DISC1: variants seen among roughly 807,000 people sequenced by gnomAD.
DISC1 encodes the protein DISC1 scaffold protein.
DISC1 carries 57 observed loss-of-function variants against 84.5 expected under a neutral mutation model. The ratio of observed to expected loss-of-function variants is 0.67; its 90% CI spans 0.55 to 0.84. The LOEUF (loss-of-function observed/expected upper bound fraction) is 0.84. DISC1 is among the 40% of genes least tolerant of loss of function. DISC1 has a pLI of 0.00. For synonymous variants in DISC1, 411 were observed against 415.2 expected, an observed-to-expected ratio of 0.99 and a Z score of 0.12; for missense variants, 1,000 against 1,057.8, an observed-to-expected ratio of 0.95 and a Z score of 0.76.
chr1:231,963,722 A>G (rs139338344), intron 10 of DISC1, among the ~76,000 whole-genome samples: 32 of 152,352 alleles, frequency 2.1e-4, no homozygotes, highest in African/African-American at 7.7e-4. Flanking sequence ...GAGTTAAAGA[A>G]GGAAAAGCTT....
chr1:231,727,793 T>A (rs200158042), intron 3 of DISC1, among the ~76,000 whole-genome samples: 2 of 151,486 alleles, frequency 1.3e-5, no homozygotes, highest in Non-Finnish European at 2.9e-5. Flanking sequence ...CTTAGAGGGG[T>A]TAAATAGGGC....
chr1:231,905,841 T>G (rs1265576567), intron 9 of DISC1, among the ~76,000 whole-genome samples: 1 of 152,190 alleles, frequency 6.6e-6, no homozygotes, highest in South Asian at 2.1e-4. Context: ...ATGGTTATAT[T>G]GTGGTTATTT....
chr1:231,714,597 GAAAGAGA>G (rs1184670467), intron 3 of DISC1, among the ~76,000 whole-genome samples: 1 of 136,918 alleles, frequency 7.3e-6, no homozygotes, highest in Non-Finnish European at 1.7e-5. Flanking sequence ...GAGAGAGACA[GAAAGAGA>G]GAAGAGAGAG....
rs1199766094 is a variant in DISC1 at position 231,749,822 on chromosome 1, A to G, written c.1118-104A>G. On this transcript the variant is annotated intron_variant, in intron 3 of 12. Transcript: ENST00000439617. Reference sequence around the variant, plus strand: ...AAACTAGTAACCTTGTCATGATGTCATTAAGGCAAAGGTTCACTACAACTG... The same window carrying G: ...AAACTAGTAACCTTGTCATGATGTCGTTAAGGCAAAGGTTCACTACAACTG... The G allele has an allele frequency of 7.6e-5, 114 of 1,498,184 alleles. No homozygotes were observed. In the East Asian group the frequency reaches 2.6e-3, roughly 34 times the overall value. 92.8% of individuals were successfully genotyped at this position (1,498,184 alleles called of 1,614,324 possible). A position where few individuals can be genotyped will look rare whatever the true frequency, so the allele number is the denominator to read the frequency against.
At chr1:231,975,654 A>G (rs1662685159) in intron 10 of DISC1, among the ~76,000 whole-genome samples, 1 of 152,304 alleles carries the variant, frequency 6.6e-6, no homozygotes, top group African/African-American at 2.4e-5. Context: ...GAATGAAAGA[A>G]TGAGATCTTG....
At chr1:231,864,479 C>T (rs533086647) in intron 9 of DISC1, among the ~76,000 whole-genome samples, 2 of 152,142 alleles carry the variant, frequency 1.3e-5, no homozygotes, top group South Asian at 2.1e-4. Context: ...CTGGCTAACA[C>T]AGTGAAACCC....
chr1:231,952,424 C>CTTCCTTCAACTGAAGGATT (rs1329819048), intron 9 of DISC1, among the ~76,000 whole-genome samples: 1 of 152,050 alleles, frequency 6.6e-6, no homozygotes, highest in African/African-American at 2.4e-5. Flanking sequence ...AAGGACTGAA[C>CTTCCTTCAACTGAAGGATT]TCTGTTGAAC....
At position 232,031,230 on chromosome 1, in the gene DISC1, AG is replaced by A. The variant is rs1271883259; in HGVS notation, c.2425+4679del. ...GGAAGGAAGGAAGGGAGAAAGAGAG[AG>A]AGAAAGAGAGGAAGGAAGGAAGGAG... is the stretch of plus-strand genomic sequence containing the variant. On this transcript the variant is annotated intron_variant, in intron 12 of 12. Coordinates refer to ENST00000439617, the MANE Select transcript of DISC1 (RefSeq NM_018662.3). The surrounding 1 kb of genome is among the most constrained non-coding windows in gnomAD (Gnocchi z 4.6). Among the ~76,000 whole-genome samples the A allele has an allele frequency of 1.3e-5, 2 of 149,780 alleles. No individual in the cohort carries two copies. The highest frequency in any genetic ancestry group is 2.0e-4 in the East Asian group (1 of 5,092).
chr1:231,732,555 A>G (rs2071661061), intron 3 of DISC1, among the ~76,000 whole-genome samples: 1 of 152,168 alleles, frequency 6.6e-6, no homozygotes, highest in South Asian at 2.1e-4. Flanking sequence ...CTTTGTAGAG[A>G]TCCTTTGTAG....
intron 9 of DISC1, among the ~76,000 whole-genome samples, chr1:231,947,541 G>A (rs1263920334): frequency 2.0e-5 from 3 of 152,138 alleles, no homozygotes; most frequent in African/African-American, 7.2e-5. Context: ...CAGGACATAG[G>A]CGTGGGCAAA....
chr1:231,942,442 T>C (rs1481559284), intron 9 of DISC1, among the ~76,000 whole-genome samples: 2 of 152,102 alleles, frequency 1.3e-5, no homozygotes, highest in Non-Finnish European at 2.9e-5. Flanking sequence ...GGCGGGCAGA[T>C]TTACTTGAGG....
chr1:231,928,751 G>A (rs1321091417), intron 9 of DISC1, among the ~76,000 whole-genome samples: 2 of 152,092 alleles, frequency 1.3e-5, no homozygotes, highest in South Asian at 2.1e-4. Context: ...ATTCTACAAT[G>A]TTGTGACTTT....
intron 9 of DISC1, among the ~76,000 whole-genome samples, chr1:231,850,429 T>G (rs1278627293): frequency 1.3e-5 from 2 of 152,240 alleles, no homozygotes; most frequent in African/African-American, 4.8e-5. Context: ...TGCTTAACCT[T>G]CTAGTAAACC....
At chr1:231,801,329 C>G (rs2079233869) in intron 8 of DISC1, among the ~76,000 whole-genome samples, 1 of 152,100 alleles carries the variant, frequency 6.6e-6, no homozygotes, top group Non-Finnish European at 1.5e-5. Context: ...AGGGTTTTTG[C>G]CTTTCTTAAT....
At chr1:231,928,471 G>T (rs1322232297) in intron 9 of DISC1, among the ~76,000 whole-genome samples, 1 of 152,174 alleles carries the variant, frequency 6.6e-6, no homozygotes, top group Non-Finnish European at 1.5e-5. Context: ...CTAGCTAGCG[G>T]TCTATCTATT....
intron 11 of DISC1, among the ~76,000 whole-genome samples, chr1:232,014,924 T>A (rs1668344175): frequency 6.6e-6 from 1 of 152,200 alleles, no homozygotes; most frequent in Admixed American, 6.5e-5. Context: ...TAGTATTTAT[T>A]TAGATTGTAT....
intron 9 of DISC1, chr1:231,855,060 A>G: frequency 3.0e-6 from 3 of 995,834 alleles, no homozygotes; most frequent in Non-Finnish European, 3.6e-6. Flanking sequence ...ATGAAAAATA[A>G]GAAATTCTAG....
chr1:231,635,949 G>C (rs553770315), intron 1 of DISC1, among the ~76,000 whole-genome samples: 7 of 152,254 alleles, frequency 4.6e-5, no homozygotes, highest in African/African-American at 1.7e-4. Context: ...TTCATCAGAA[G>C]GACTGGGCAC....
intron 3 of DISC1, among the ~76,000 whole-genome samples, chr1:231,721,617 A>G (rs1019017502): frequency 7.2e-6 from 1 of 139,460 alleles, no homozygotes; most frequent in Admixed American, 7.4e-5. Flanking sequence ...CAGCTGTTCA[A>G]CATTTTTTGG....
Sources: allele counts gnomAD v4.1 joint callset (sites outside exome capture counted in the v4.1 genomes callset), GRCh38; gene constraint gnomAD v4.1.1; non-coding constraint Gnocchi (gnomAD v3.1); transcripts MANE v1.5; gene names NCBI Gene and HGNC (gene_info 2026-07-23, HGNC 2026-07-21).